Variants in NID2 observed in about 807,000 individuals in gnomAD.
NID2 encodes the protein nidogen-2.
Under a neutral mutation model 145.4 loss-of-function variants are expected in NID2, and 83 were observed. The ratio of observed to expected loss-of-function variants is 0.57; its 90% CI spans 0.48 to 0.69. The LOEUF (loss-of-function observed/expected upper bound fraction) is 0.69, where lower values mean the gene tolerates loss of function less well. NID2 is among the 30% of genes least tolerant of loss of function. The probability of loss-of-function intolerance (pLI) is 0.00; values close to 1 mark genes in which losing one functional copy is unlikely to be tolerated. For synonymous variants in NID2, 739 were observed against 701.3 expected (o/e 1.05, Z -0.85); for missense variants, 1,807 against 1,765.7 (o/e 1.02, Z -0.42).
intron 12 of NID2, among the ~76,000 whole-genome samples, chr14:52,023,421 C>G (rs1281232167): frequency 2.0e-5 from 3 of 151,412 alleles, no homozygotes; most frequent in African/African-American, 7.3e-5. Context: ...CACCACTGCC[C>G]TCCAGCCTGG....
chr14:52,013,689 A>G (rs1891111385), intron 16 of NID2, among the ~76,000 whole-genome samples: 1 of 152,134 alleles, frequency 6.6e-6, no homozygotes, highest in Non-Finnish European at 1.5e-5. Flanking sequence ...TGGCTCAGGA[A>G]GCATCAAACA....
At chr14:52,048,557 G>A (rs892503673) in intron 5 of NID2, among the ~76,000 whole-genome samples, 2 of 152,150 alleles carry the variant, frequency 1.3e-5, no homozygotes, top group Non-Finnish European at 2.9e-5. Flanking sequence ...CCCTATCATG[G>A]CTTTGAGTGT....
At position 52,060,140 on chromosome 14, in the gene NID2, C is replaced by T; in HGVS notation, c.751G>A (p.Val251Met). The change falls in exon 3 of 22, where the codon GTG (valine) becomes ATG (methionine). Residue 251 changes from valine to methionine, a missense_variant. Physicochemically the swap from Val to Met is conservative, Grantham distance 21 (BLOSUM62 1). Transcript: ENST00000216286. ...GTTACTTACTGATAGAGATTTTTCA[C>T]AGACTGTTCAGTGCTAGTCAAGCTG... ...YFSLTSTEQS[V>M]KNLYQLSNLG... The T allele has an allele frequency of 6.2e-7, 1 of 1,603,078 alleles. No homozygotes were observed. The highest frequency in any genetic ancestry group is 8.5e-7 in the Non-Finnish European group (1 of 1,171,588).
rs368263308 is a variant in NID2, at chr14:52,042,362, C to A, written c.1580-12G>T. 2.9e-5 allele frequency: 47 copies of A among 1,599,628 alleles called. No individual in the cohort carries two copies. In the African/African-American group the frequency reaches 5.4e-4, roughly 18 times the overall value. The stretch of plus-strand genomic sequence containing the variant: ...TCGGTGAGGTGCCCCTAAAAGACAG[C>A]AAATCCAGTTAGGCTTGGACGTCAT... On this transcript the variant is annotated splice_polypyrimidine_tract_variant and intron_variant, in intron 6 of 21. Transcript: ENST00000216286.
At chr14:52,014,829 C>T (rs945188959) in intron 15 of NID2, among the ~76,000 whole-genome samples, 8 of 152,008 alleles carry the variant, frequency 5.3e-5, no homozygotes, top group Middle Eastern at 3.2e-3. Context: ...CCTGCTGAAC[C>T]GAGTTGCAGA....
intron 9 of NID2, among the ~76,000 whole-genome samples, chr14:52,032,320 G>A (rs941622): frequency 0.46 from 69,877 of 152,204 alleles, 17,033 homozygotes; most frequent in South Asian, 0.57. Flanking sequence ...CCAAAACAAA[G>A]GACCAATAAA....
Position 52,068,209 on chromosome 14 carries a change from G to A in NID2, c.229-46C>T, listed in dbSNP as rs755159505. On this transcript the variant is annotated intron_variant, in intron 1 of 21. Transcript: ENST00000216286. ...AAAGGTGACAGTCGCTCAAGCCCAA[G>A]GACGCTACCCTTTCGCGCAGGGAGG... 1.3e-5 allele frequency: 21 copies of A among 1,568,376 alleles called. No individual in the cohort carries two copies. The South Asian group carries it at 2.3e-4, about 17-fold the overall frequency.
At chr14:52,015,999 C>G (rs548568166) in intron 14 of NID2, among the ~76,000 whole-genome samples, 1 of 152,178 alleles carries the variant, frequency 6.6e-6, no homozygotes, top group Non-Finnish European at 1.5e-5. Flanking sequence ...TATCTCAAAG[C>G]TGAATCTTTT....
chr14:52,022,554 G>T (rs1348429991), intron 12 of NID2, among the ~76,000 whole-genome samples: 1 of 152,178 alleles, frequency 6.6e-6, no homozygotes, highest in African/African-American at 2.4e-5. Flanking sequence ...CTTATGCTTA[G>T]TCATTACTAG....
In NID2 at chr14:52,007,868, T is replaced by C. The variant is rs143673880; in HGVS notation, c.3822A>G (p.Gly1274=). Residue 1274 remains glycine (G), a synonymous_variant, in exon 19 of 22, where the codon GGA becomes GGG. Coordinates refer to ENST00000216286, the MANE Select transcript of NID2 (RefSeq NM_007361.4). ...GGTCAAAGGTTAAGCCATTGGGCAA[T>C]CCAATGTCTGTATTGATCAGAATTC... The part of the protein sequence containing the change: ...NRRILINTDI[G]LPNGLTFDPF... 253 of 1,613,366 alleles carry C rather than the reference T, an allele frequency of 1.6e-4. No homozygotes were observed. Among genetic ancestry groups the C allele is most frequent in the Non-Finnish European group, 2.0e-4 (230 of 1,179,454 alleles).
chr14:52,027,805 C>T (rs1245562973), intron 11 of NID2, among the ~76,000 whole-genome samples: 1 of 150,970 alleles, frequency 6.6e-6, no homozygotes, highest in Non-Finnish European at 1.5e-5. Flanking sequence ...CTCACTGCAA[C>T]CTCCAACTCC....
At chr14:52,065,495 T>C (rs1595059935) in intron 2 of NID2, among the ~76,000 whole-genome samples, 2 of 129,680 alleles carry the variant, frequency 1.5e-5, no homozygotes, top group Admixed American at 7.9e-5. Flanking sequence ...TATTTATTTA[T>C]TTATTTATTT....
At chr14:52,031,883 A>G (rs1891882968) in intron 9 of NID2, among the ~76,000 whole-genome samples, 1 of 152,240 alleles carries the variant, frequency 6.6e-6, no homozygotes, top group South Asian at 2.1e-4. Context: ...ATGCTGACTC[A>G]GGAACCTGGT....
intron 12 of NID2, among the ~76,000 whole-genome samples, chr14:52,026,232 G>A (rs973786952): frequency 2.6e-5 from 4 of 152,218 alleles, no homozygotes; most frequent in African/African-American, 9.6e-5. Flanking sequence ...GAGGAGGGAG[G>A]CCCGTGCTAT....
Position 52,030,485 on chromosome 14 carries a change from G to GAAAGA in NID2, c.2258-800_2258-796dup, listed in dbSNP as rs757019082. Among the ~76,000 whole-genome samples, 143 of 89,806 alleles carry GAAAGA rather than the reference G, an allele frequency of 1.6e-3. 11 individuals are homozygous for GAAAGA. In the Middle Eastern group the frequency reaches 0.027, roughly 17 times the overall value. The allele number at this position is 89,806 out of a possible 152,430, so 58.9% of individuals were successfully genotyped here. A position where few individuals can be genotyped will look rare whatever the true frequency, so the allele number is the denominator to read the frequency against. ...AGACCTTATCTCGAGAGAAAGAAAA[G>GAAAGA]AAAGAAAGAAAGAAAGAGAAAGAAA... On this transcript the variant is annotated intron_variant, in intron 9 of 21. Transcript: ENST00000216286.
At chr14:52,028,071 T>C (rs2357308) in intron 11 of NID2, among the ~76,000 whole-genome samples, 149,211 of 152,300 alleles carry the variant, frequency 0.98, 73,146 homozygotes, top group Non-Finnish European at 1. Context: ...CCATCTCTTC[T>C]AATTTGAAAA....
chr14:52,005,816 GC>G lies in NID2; in HGVS notation c.4037del (p.Gly1346AlafsTer18), dbSNP rs1566737141. 6 of 1,613,504 alleles carry G rather than the reference GC, an allele frequency of 3.7e-6. No individual in the cohort carries two copies. Among genetic ancestry groups the G allele is most frequent in the Non-Finnish European group, 4.2e-6 (5 of 1,179,478 alleles). On this transcript the variant is annotated frameshift_variant, in exon 21 of 22. Coordinates refer to ENST00000216286, the MANE Select transcript of NID2 (RefSeq NM_007361.4). LOFTEE classifies it high-confidence loss of function. ...CTGGGAGATACTCATCAGTAAACTG[GC>G]CACTATGTTTATTTACTGATACAAC... ...DGVVSVNKHS[G>X]QFTDEYLPEQ...
Position 52,068,002 on chromosome 14 carries a change from G to C in NID2, c.390C>G (p.Pro130=). 1 of 1,612,470 alleles carries C rather than the reference G, an allele frequency of 6.2e-7. No individual in the cohort carries two copies. The highest frequency in any genetic ancestry group is 8.5e-7 in the Non-Finnish European group (1 of 1,179,032). Residue 130 remains proline (P), a synonymous_variant, in exon 2 of 22, where the codon CCC becomes CCG. Transcript: ENST00000216286. The stretch of plus-strand genomic sequence containing the variant: ...AGCGGGCGGCCAGGCCCAGCACTGC[G>C]GGGGAGGTGTCCTCTCGGTACAGGA... ...GRVLYREDTS[P]AVLGLAARYV... is the part of the protein sequence containing the mutation.
chr14:52,030,532 G>GA (rs1168500713), intron 9 of NID2, among the ~76,000 whole-genome samples: 136 of 42,498 alleles, frequency 3.2e-3, no homozygotes, highest in African/African-American at 6.6e-3. Flanking sequence ...AAGAAAGAAA[G>GA]AAAGAAAGAA....
Sources: allele counts gnomAD v4.1 joint callset (sites outside exome capture counted in the v4.1 genomes callset), GRCh38; gene constraint gnomAD v4.1.1; transcripts MANE v1.5; gene names NCBI Gene and HGNC (gene_info 2026-07-23, HGNC 2026-07-21).